The following CIITA variants were observed in gnomAD, a reference collection of about 807,000 sequenced individuals.
The protein encoded by CIITA is class II major histocompatibility complex transactivator, also known as MHC class II transactivator.
A neutral mutation model predicts 115.1 loss-of-function variants in CIITA; 72 were observed. That is an observed-to-expected ratio of 0.63 (90% CI 0.52 to 0.76). The LOEUF (loss-of-function observed/expected upper bound fraction) is 0.76. CIITA is among the 30% of genes least tolerant of loss of function. The pLI is 0.00. For synonymous variants in CIITA, 763 were observed against 635.6 expected, an observed-to-expected ratio of 1.20 and a Z score of -3.02; for missense variants, 1,617 against 1,463.8, an observed-to-expected ratio of 1.10 and a Z score of -1.71.
Position 10,908,168 on chromosome 16 carries a change from G to A in CIITA, c.2657+19G>A. 1 of 1,552,772 alleles carries A rather than the reference G, an allele frequency of 6.4e-7. No individual in the cohort carries two copies. Among genetic ancestry groups the A allele is most frequent in the East Asian group, 2.4e-5 (1 of 41,028 alleles). The stretch of plus-strand genomic sequence containing the variant: ...GTTTCAGGTGGGGTGAGGGGCTTGG[G>A]GAAGAGACATCCTTGTGTTGGGCAT... On this transcript the variant is annotated intron_variant, in intron 11 of 19. Transcript: ENST00000324288.
At chr16:10,877,184 C>A (rs764930204), upstream of CIITA, 1 of 731,546 alleles carries the variant, frequency 1.4e-6, no homozygotes, top group Non-Finnish European at 2.5e-6. Context: ...TTGGCGGGCT[C>A]CCAACTGGTG....
At chr16:10,877,979 G>A (rs982313346) in intron 1 of CIITA, among the ~76,000 whole-genome samples, 22 of 152,338 alleles carry the variant, frequency 1.4e-4, no homozygotes, top group African/African-American at 4.6e-4. Context: ...CAGCTACACC[G>A]TTGGCTGGGA....
chr16:10,910,322 G>A, intron 13 of CIITA, 63 bp downstream of exon 13: 2 of 1,370,456 alleles, frequency 1.5e-6, no homozygotes, highest in African/African-American at 1.4e-5. Flanking sequence ...CATTAGCTGG[G>A]CTTGTACCAC....
chr16:10,908,860 G>T (rs2039359213), intron 11 of CIITA, 169 bp from the exon 12 acceptor site: 2 of 893,132 alleles, frequency 2.2e-6, no homozygotes, highest in East Asian at 5.3e-5. Flanking sequence ...TTGTGAGAAA[G>T]TAGGAATCAA....
rs34685848 is a variant in CIITA at position 10,907,823 on chromosome 16, G to C, written c.2331G>C (p.Ser777=). The C allele has an allele frequency of 2.5e-6, 4 of 1,613,842 alleles. No homozygotes were observed. Among genetic ancestry groups the C allele is most frequent in the Non-Finnish European group, 3.4e-6 (4 of 1,179,844 alleles). ...GCCTGGGAGCCCTACTCGGGCCATCGGCGGCTGCCTCGGTGGACAGGAAGC... is the reference window on the plus strand; with the variant it reads ...GCCTGGGAGCCCTACTCGGGCCATCCGCGGCTGCCTCGGTGGACAGGAAGC... ...ARCLGALLGP[S]AAASVDRKQK... is the part of the protein sequence containing the mutation. Residue 777 remains serine (S), a synonymous_variant, in exon 11 of 20, where the codon TCG becomes TCC. Coordinates refer to ENST00000324288, the MANE Select transcript of CIITA (RefSeq NM_000246.4). This position sits in a 1 kb window ranked among gnomAD's most constrained non-coding sequence, Gnocchi z 5.0.
At chr16:10,909,537 C>A (rs1033837554) in intron 12 of CIITA, among the ~76,000 whole-genome samples, 1 of 152,180 alleles carries the variant, frequency 6.6e-6, no homozygotes, top group African/African-American at 2.4e-5. Context: ...CAACTGTTGT[C>A]CCAAATTTAT....
chr16:10,907,742 G>A lies in CIITA; in HGVS notation c.2250G>A (p.Trp750Ter). Residue 750 changes from tryptophan (W) to a stop codon, truncating the protein, a stop_gained, in exon 11 of 20, where the codon TGG becomes TGA. Transcript: ENST00000324288. LOFTEE classifies it high-confidence loss of function. This position sits in a 1 kb window ranked among gnomAD's most constrained non-coding sequence, Gnocchi z 5.0. ...GGAAGAAGAGGCCCTATGACAACTGGCTGGAGGGCGTGCCACGCTTTCTGG... is the reference window on the plus strand; with the variant it reads ...GGAAGAAGAGGCCCTATGACAACTGACTGGAGGGCGTGCCACGCTTTCTGG... ...TPRKKRPYDNWLEGVPRFLAG... is the reference protein window; with the variant it reads ...TPRKKRPYDN The A allele has an allele frequency of 1.9e-6, 3 of 1,614,224 alleles. No homozygotes were observed. Among genetic ancestry groups the A allele is most frequent in the Non-Finnish European group, 2.5e-6 (3 of 1,180,026 alleles).
At chr16:10,902,520 GGC>G in intron 7 of CIITA, 136 bp from the exon 8 acceptor site, 1 of 1,066,206 alleles carries the variant, frequency 9.4e-7, no homozygotes, top group South Asian at 1.4e-5. Context: ...ATTCCATCAG[GGC>G]AGGACAGAAA....
intron 1 of CIITA, among the ~76,000 whole-genome samples, chr16:10,884,015 G>A (rs2036676099): frequency 6.6e-6 from 1 of 151,034 alleles, no homozygotes; most frequent in South Asian, 2.1e-4. Flanking sequence ...ATTACCCAAG[G>A]TCCATGGTTT....
rs564623289 is a variant in CIITA at position 10,898,022 on chromosome 16, C to G, written c.296-648C>G. On this transcript the variant is annotated intron_variant, in intron 3 of 19. Transcript: ENST00000324288. ...ACTGTGACCCAGAAAGCTATCTGTT[C>G]TCCTTCTCCCAGACTCTGCCTCATC... Among the ~76,000 whole-genome samples the G allele has an allele frequency of 3.3e-5, 5 of 152,320 alleles. No individual in the cohort carries two copies. In the East Asian group the frequency reaches 7.7e-4, roughly 23 times the overall value.
intron 7 of CIITA, 55 bp downstream of exon 7, chr16:10,902,239 G>A: frequency 6.2e-7 from 1 of 1,609,142 alleles, no homozygotes; most frequent in Non-Finnish European, 8.5e-7. Flanking sequence ...AGGTGGATAA[G>A]GAGTTGACAC....
At chr16:10,893,804 TAAA>T (rs71136603) in intron 1 of CIITA, among the ~76,000 whole-genome samples, 13,111 of 31,288 alleles carry the variant, frequency 0.42, 2,905 homozygotes, top group Non-Finnish European at 0.56. Context: ...GACTCCGTCT[TAAA>T]AAAAAAAAAA....
upstream of CIITA, among the ~76,000 whole-genome samples, chr16:10,874,231 G>A (rs573055289): frequency 9.9e-4 from 150 of 152,236 alleles, 1 homozygote; most frequent in African/African-American, 3.4e-3. Context: ...TGATCCGCCC[G>A]CCTCAGTCTC....
intron 11 of CIITA, 149 bp from the exon 12 acceptor site, chr16:10,908,880 G>C: frequency 2.9e-6 from 3 of 1,044,644 alleles, no homozygotes; most frequent in Non-Finnish European, 4.3e-6. Context: ...ATAAAGGCTG[G>C]AGTGGTCATG....
At chr16:10,880,571 C>G (rs1291820491) in intron 1 of CIITA, among the ~76,000 whole-genome samples, 1 of 152,208 alleles carries the variant, frequency 6.6e-6, no homozygotes, top group Non-Finnish European at 1.5e-5. Flanking sequence ...GTGCAGCAAG[C>G]AGATGTGAAC....
rs544993716 is a variant in CIITA, at chr16:10,878,673, A to C, written c.52+1291A>C. ...CCAGGGGTGGGGACAAGCTCCCTGC[A>C]ACTCAGGACTTGCAGATCACTTGCC... On this transcript the variant is annotated intron_variant, in intron 1 of 19. Coordinates refer to ENST00000324288, the MANE Select transcript of CIITA (RefSeq NM_000246.4). 1.3e-4 allele frequency among the ~76,000 whole-genome samples: 20 copies of C among 152,354 alleles called. No individual in the cohort carries two copies. In the South Asian group the frequency reaches 4.1e-3, roughly 32 times the overall value.
chr16:10,931,427 T>C lies in CIITA; in HGVS notation c.*7572T>C, dbSNP rs2040788061. On this transcript the variant is annotated 3_prime_UTR_variant, in exon 20 of 20. Transcript: ENST00000324288. ...TAGTCTGGCTGTAGCTGCCCTCTTGTGTGCAGATCTCCAGTCTGAATGGGC... is the reference window on the plus strand; with the variant it reads ...TAGTCTGGCTGTAGCTGCCCTCTTGCGTGCAGATCTCCAGTCTGAATGGGC... 1 of 151,916 alleles carries C rather than the reference T, an allele frequency of 6.6e-6. No homozygotes were observed. Among genetic ancestry groups the C allele is most frequent in the Non-Finnish European group, 1.5e-5 (1 of 67,804 alleles). The allele number at this position is 151,916 out of a possible 1,614,324, so 9.4% of individuals were successfully genotyped here.
intron 1 of CIITA, among the ~76,000 whole-genome samples, chr16:10,871,685 C>T (rs913003421): frequency 6.6e-6 from 1 of 152,222 alleles, no homozygotes; most frequent in African/African-American, 2.4e-5. Flanking sequence ...AGGAGAGAGG[C>T]TGTGCCCTCT....
chr16:10,922,275 G>C, intron 17 of CIITA, 25 bp downstream of exon 17: 5 of 1,611,204 alleles, frequency 3.1e-6, no homozygotes, highest in Non-Finnish European at 4.2e-6. Flanking sequence ...CTGGGCGGTG[G>C]GTGGCTCAGC....
Sources: allele counts gnomAD v4.1 joint callset (sites outside exome capture counted in the v4.1 genomes callset), GRCh38; gene constraint gnomAD v4.1.1; non-coding constraint Gnocchi (gnomAD v3.1); transcripts MANE v1.5; gene names NCBI Gene and HGNC (gene_info 2026-07-23, HGNC 2026-07-21).